SLC25A28: variants seen among roughly 807,000 people sequenced by gnomAD.
SLC25A28 encodes the protein solute carrier family 25 member 28, also known as mitoferrin-2.
In SLC25A28, 10 loss-of-function variants were observed where a neutral mutation model predicts 31.9. The observed-to-expected ratio is 0.31, with a 90% CI of 0.19 to 0.53. The LOEUF is 0.53. Ranked by LOEUF, SLC25A28 falls within the 20% of genes least tolerant of loss-of-function variation. SLC25A28 has a pLI of 0.95. For synonymous variants in SLC25A28, 208 were observed against 203.6 expected (o/e 1.02, Z -0.19); for missense variants, 256 against 490.3 (o/e 0.52, Z 4.51).
chr10:99,611,496 G>C lies in SLC25A28; in HGVS notation c.578-130C>G. On this transcript the variant is annotated intron_variant, in intron 3 of 3. Coordinates refer to ENST00000370495, the MANE Select transcript of SLC25A28 (RefSeq NM_031212.4). The surrounding 1 kb of genome is among the most constrained non-coding windows in gnomAD (Gnocchi z 5.5). ...AGAGAGAAAAAAGTATGAGTGAGCT[G>C]CTGGCTAACCTGAGAAGTCAGCTTC... 8.5e-7 allele frequency: 1 copy of C among 1,170,166 alleles called. No homozygotes were observed. The highest frequency in any genetic ancestry group is 1.5e-5 in the South Asian group (1 of 66,554). 72.5% of individuals were successfully genotyped at this position (1,170,166 alleles called of 1,614,324 possible).
chr10:99,630,140 T>C, the SLC25A28 span, among the ~76,000 whole-genome samples: 1 of 152,100 alleles, frequency 6.6e-6, no homozygotes, highest in African/African-American at 2.4e-5. Context: ...CTTTTTCTTT[T>C]CTCTTTGAGA....
the SLC25A28 span, among the ~76,000 whole-genome samples, chr10:99,632,964 T>C: frequency 0.89 from 135,797 of 152,210 alleles, 60,696 homozygotes; most frequent in African/African-American, 0.94. Flanking sequence ...GTCTATCATC[T>C]TTGACATACA....
chr10:99,620,469 G>A (rs1231462969), upstream of SLC25A28: 2 of 1,045,106 alleles, frequency 1.9e-6, no homozygotes, highest in African/African-American at 3.4e-5. Context: ...TGGCCCCGCG[G>A]ACACGCCCCC....
chr10:99,645,452 T>C, the SLC25A28 span, among the ~76,000 whole-genome samples: 2 of 152,214 alleles, frequency 1.3e-5, no homozygotes, highest in African/African-American at 4.8e-5. Flanking sequence ...TAGCCATTCA[T>C]CTAATCTTTT....
chr10:99,622,787 T>G (rs908418564), upstream of SLC25A28: 2 of 733,370 alleles, frequency 2.7e-6, no homozygotes, highest in African/African-American at 3.8e-5. Flanking sequence ...CCAAACCAGT[T>G]GTCCTCATTG....
the SLC25A28 span, among the ~76,000 whole-genome samples, chr10:99,658,890 A>T: frequency 6.6e-6 from 1 of 152,222 alleles, no homozygotes; most frequent in South Asian, 2.1e-4. Context: ...ACAGAAATTC[A>T]TGATGACTGG....
intron 1 of SLC25A28, chr10:99,615,923 C>T (rs2034641550): frequency 1.0e-6 from 1 of 985,246 alleles, no homozygotes; most frequent in African/African-American, 1.7e-5. Flanking sequence ...ACTCCTCACC[C>T]CCAAGAGAAA....
chr10:99,639,189 C>T, the SLC25A28 span, among the ~76,000 whole-genome samples: 1 of 152,012 alleles, frequency 6.6e-6, no homozygotes, highest in East Asian at 1.9e-4. Flanking sequence ...TTGCATCCAC[C>T]TGGATGAGAT....
the SLC25A28 span, among the ~76,000 whole-genome samples, chr10:99,635,401 G>C: frequency 6.6e-6 from 1 of 152,304 alleles, no homozygotes; most frequent in African/African-American, 2.4e-5. Context: ...CTCACCAACT[G>C]CTGGGCACGA....
At chr10:99,647,907 G>C in the SLC25A28 span, among the ~76,000 whole-genome samples, 1 of 152,104 alleles carries the variant, frequency 6.6e-6, no homozygotes, top group Non-Finnish European at 1.5e-5. Context: ...TTGTTGAATA[G>C]GGTGTCCTTT....
chr10:99,633,997 C>T, the SLC25A28 span, among the ~76,000 whole-genome samples: 2 of 152,168 alleles, frequency 1.3e-5, no homozygotes, highest in African/African-American at 4.8e-5. Context: ...ACTCCCAGTA[C>T]CAGCCTGGGG....
chr10:99,628,614 C>A, the SLC25A28 span, among the ~76,000 whole-genome samples: 22 of 152,196 alleles, frequency 1.4e-4, no homozygotes, highest in African/African-American at 4.8e-4. Context: ...CACCTGAGGT[C>A]AGGAGTTCAA....
upstream of SLC25A28, among the ~76,000 whole-genome samples, chr10:99,623,744 A>C (rs2034832690): frequency 6.6e-6 from 1 of 152,216 alleles, no homozygotes; most frequent in Non-Finnish European, 1.5e-5. Flanking sequence ...CTCCTCTGCC[A>C]CATGACTAGT....
the SLC25A28 span, among the ~76,000 whole-genome samples, chr10:99,631,907 T>TTTTG: frequency 7.2e-6 from 1 of 138,356 alleles, no homozygotes; most frequent in African/African-American, 2.7e-5. Flanking sequence ...TTTTTTTTTT[T>TTTTG]GAGACGGAGT....
Position 99,611,025 on chromosome 10 carries a change from C to T in SLC25A28, c.919G>A (p.Gly307Ser). 6.2e-7 allele frequency: 1 copy of T among 1,614,200 alleles called. No homozygotes were observed. Among genetic ancestry groups the T allele is most frequent in the East Asian group, 2.2e-5 (1 of 44,886 alleles). Residue 307 changes from glycine (G) to serine (S), a missense_variant, in exon 4 of 4, where the codon GGC (glycine) becomes AGC (serine). Transcript: ENST00000370495. The surrounding 1 kb of genome is among the most constrained non-coding windows in gnomAD (Gnocchi z 5.5). Reference protein sequence around the residue: ...LNSHITGHITGMASAFRTVYQ... With the variant: ...LNSHITGHITSMASAFRTVYQ... Reference sequence around the variant, plus strand: ...ACCGTCCTGAAGGCACTAGCCATGCCTGTGATATGTCCTGTAATGTGTGAG... The same window carrying T: ...ACCGTCCTGAAGGCACTAGCCATGCTTGTGATATGTCCTGTAATGTGTGAG...
At chr10:99,629,788 T>C in the SLC25A28 span, among the ~76,000 whole-genome samples, 1 of 152,234 alleles carries the variant, frequency 6.6e-6, no homozygotes, top group African/African-American at 2.4e-5. Context: ...TGGGGTTTCC[T>C]ATCAGGGTGA....
At chr10:99,612,491 A>G in intron 3 of SLC25A28, 52 bp downstream of exon 3, 1 of 1,591,338 alleles carries the variant, frequency 6.3e-7, no homozygotes, top group Non-Finnish European at 8.6e-7. Context: ...TGCAAACTGT[A>G]AAGAAATACA....
chr10:99,619,673 C>T (rs1355442594), intron 1 of SLC25A28, among the ~76,000 whole-genome samples: 1 of 152,244 alleles, frequency 6.6e-6, no homozygotes, highest in Non-Finnish European at 1.5e-5. Flanking sequence ...AGATCCATTT[C>T]AGGGTCTGGT....
At chr10:99,652,441 T>G in the SLC25A28 span, among the ~76,000 whole-genome samples, 1 of 152,106 alleles carries the variant, frequency 6.6e-6, no homozygotes, top group Non-Finnish European at 1.5e-5. Flanking sequence ...GCCCCTTTTT[T>G]TTTGTCCCAG....
Sources: gnomAD v4.1 joint callset for allele counts (sites outside exome capture counted in the v4.1 genomes callset) on GRCh38, gnomAD v4.1.1 for gene constraint, Gnocchi (gnomAD v3.1) non-coding constraint, MANE v1.5 for transcripts, NCBI Gene and HGNC (gene_info 2026-07-23, HGNC 2026-07-21) for gene names.